Variants in RALGPS1 observed in about 807,000 individuals in gnomAD.
RALGPS1 encodes ras-specific guanine nucleotide-releasing factor RalGPS1.
Under a neutral mutation model 78.8 loss-of-function variants are expected in RALGPS1, and 19 were observed. The observed-to-expected ratio is 0.24, with a 90% CI of 0.17 to 0.35. The LOEUF is 0.35. Ranked by LOEUF, RALGPS1 falls within the 10% of genes least tolerant of loss-of-function variation. The pLI, the probability that RALGPS1 is intolerant of heterozygous loss-of-function variation, is 1.00. For missense variants in RALGPS1, 454 were observed against 688.3 expected (o/e 0.66, Z 3.81); for synonymous variants, 228 against 256.3 (o/e 0.89, Z 1.06).
intron 5 of RALGPS1, 83 bp downstream of exon 5, chr9:127,034,597 G>A: frequency 8.1e-7 from 1 of 1,238,158 alleles, no homozygotes; most frequent in African/African-American, 1.5e-5. Flanking sequence ...ACCCAAAGCT[G>A]TCTCCCAGGC....
At chr9:127,044,193 A>G (rs2047556096) in intron 5 of RALGPS1, among the ~76,000 whole-genome samples, 3 of 152,226 alleles carry the variant, frequency 2.0e-5, no homozygotes, top group Admixed American at 2.0e-4. Flanking sequence ...CATACAGTGG[A>G]ATAGCATTCT....
At chr9:126,963,284 C>T (rs916272725) in intron 2 of RALGPS1, among the ~76,000 whole-genome samples, 5 of 152,102 alleles carry the variant, frequency 3.3e-5, no homozygotes, top group African/African-American at 9.7e-5. Context: ...CTAGAGGAGT[C>T]AGACTTCTAT....
At chr9:127,109,074 C>T (rs375286026) in intron 8 of RALGPS1, among the ~76,000 whole-genome samples, 1 of 152,230 alleles carries the variant, frequency 6.6e-6, no homozygotes, top group South Asian at 2.1e-4. Context: ...AGCCCCCTTG[C>T]TGAACTCCTG....
chr9:127,063,101 A>G (rs2049363747), intron 7 of RALGPS1, among the ~76,000 whole-genome samples: 1 of 152,218 alleles, frequency 6.6e-6, no homozygotes. Context: ...ATCAAGAAAT[A>G]TTATTCTCTC....
intron 4 of RALGPS1, among the ~76,000 whole-genome samples, chr9:127,011,174 C>T (rs576894063): frequency 6.6e-6 from 1 of 152,174 alleles, no homozygotes; most frequent in African/African-American, 2.4e-5. Flanking sequence ...CCCACCACCC[C>T]CCAGCCCGCC....
At chr9:127,177,300 G>A (rs930221663) in intron 11 of RALGPS1, among the ~76,000 whole-genome samples, 2 of 152,098 alleles carry the variant, frequency 1.3e-5, no homozygotes, top group Non-Finnish European at 2.9e-5. Context: ...GCAGCCTCAC[G>A]ACTGAGCCTC....
At chr9:127,084,766 G>A (rs569388996) in intron 8 of RALGPS1, among the ~76,000 whole-genome samples, 20 of 152,358 alleles carry the variant, frequency 1.3e-4, no homozygotes, top group Admixed American at 2.0e-4. Context: ...GAGCCAGTGC[G>A]GGGCCATGCC....
intron 11 of RALGPS1, among the ~76,000 whole-genome samples, chr9:127,176,926 C>T (rs927477772): frequency 3.3e-5 from 5 of 152,178 alleles, no homozygotes; most frequent in Non-Finnish European, 5.9e-5. Flanking sequence ...GTGAAGTTCT[C>T]CTCCCCAGGC....
chr9:127,179,697 A>T (rs2060097466), intron 11 of RALGPS1, among the ~76,000 whole-genome samples: 1 of 152,250 alleles, frequency 6.6e-6, no homozygotes, highest in Non-Finnish European at 1.5e-5. Flanking sequence ...GGAACCAGGC[A>T]GCAAAAGCTG....
chr9:126,966,481 A>G (rs1046651559), intron 3 of RALGPS1, among the ~76,000 whole-genome samples: 1 of 150,836 alleles, frequency 6.6e-6, no homozygotes, highest in African/African-American at 2.4e-5. Context: ...TGATCATGCA[A>G]CTGTATTCCA....
In RALGPS1 at chr9:127,010,264, C is replaced by T. The variant is rs141312149; in HGVS notation, c.217-24167C>T. Among the ~76,000 whole-genome samples, 809 of 152,232 alleles carry T rather than the reference C, an allele frequency of 5.3e-3. 3 individuals are homozygous for T. Among genetic ancestry groups the T allele is most frequent in the Middle Eastern group, 0.034 (10 of 294 alleles). On this transcript the variant is annotated intron_variant, in intron 4 of 18. Coordinates refer to ENST00000259351, the MANE Select transcript of RALGPS1 (RefSeq NM_014636.3). ...CTCTCTCCTCTTTGTCCTTCCTCAT[C>T]GCTTTCTCCTGCCTCCCCTGACTTC...
intron 8 of RALGPS1, among the ~76,000 whole-genome samples, chr9:127,146,807 G>A (rs1256283619): frequency 6.6e-6 from 1 of 152,186 alleles, no homozygotes; most frequent in Non-Finnish European, 1.5e-5. Flanking sequence ...GCTTCTCAAA[G>A]TGCTGAGATT....
At chr9:127,018,647 G>GATGATAATAATA in intron 4 of RALGPS1, among the ~76,000 whole-genome samples, 1 of 147,054 alleles carries the variant, frequency 6.8e-6, no homozygotes, top group Middle Eastern at 3.6e-3. Context: ...TAATAATGAT[G>GATGATAATAATA]ATAATAATAA....
intron 4 of RALGPS1, among the ~76,000 whole-genome samples, chr9:126,994,708 A>G (rs2042580360): frequency 1.3e-5 from 2 of 152,196 alleles, no homozygotes; most frequent in Non-Finnish European, 2.9e-5. Flanking sequence ...CGAGAAGAGC[A>G]ACTCCAAGAC....
At position 127,212,838 on chromosome 9, in the gene RALGPS1, G is replaced by T; in HGVS notation, c.1447-106G>T. The T allele has an allele frequency of 6.4e-7, 1 of 1,566,528 alleles. No homozygotes were observed. On this transcript the variant is annotated intron_variant, in intron 16 of 18. Coordinates refer to ENST00000259351, the MANE Select transcript of RALGPS1 (RefSeq NM_014636.3). The surrounding 1 kb of genome is among the most constrained non-coding windows in gnomAD (Gnocchi z 6.0). ...GTGTGAACTGCGGAGGATGCAGGTG[G>T]GAAGGCGGCAGGGGAGGGAGGAAGC...
rs1275770261 is a variant in RALGPS1, at chr9:127,069,219, T to C, written c.484-11T>C. The C allele has an allele frequency of 1.9e-6, 3 of 1,596,568 alleles. No individual in the cohort carries two copies. The highest frequency in any genetic ancestry group is 2.2e-5 in the East Asian group (1 of 44,776). On this transcript the variant is annotated splice_polypyrimidine_tract_variant and intron_variant, in intron 7 of 18. Transcript: ENST00000259351. Reference sequence around the variant, plus strand: ...GTTTACTTATTTTGCTATATTTTCTTCTCATTCTAGCTTTTAAATCGAAAA... The same window carrying C: ...GTTTACTTATTTTGCTATATTTTCTCCTCATTCTAGCTTTTAAATCGAAAA...
At chr9:127,027,650 A>T (rs1464343329) in intron 4 of RALGPS1, among the ~76,000 whole-genome samples, 1 of 152,230 alleles carries the variant, frequency 6.6e-6, no homozygotes, top group African/African-American at 2.4e-5. Flanking sequence ...AACAGACCAG[A>T]TGCGTATTCT....
intron 7 of RALGPS1, among the ~76,000 whole-genome samples, chr9:127,056,130 G>A (rs1021768889): frequency 6.6e-6 from 1 of 152,214 alleles, no homozygotes; most frequent in African/African-American, 2.4e-5. Flanking sequence ...ACCTCAGTTG[G>A]CATTTAGCTG....
chr9:127,002,450 T>C (rs2043414957), intron 4 of RALGPS1, among the ~76,000 whole-genome samples: 1 of 144,686 alleles, frequency 6.9e-6, no homozygotes, highest in African/African-American at 2.8e-5. Context: ...TTTTTTTTCT[T>C]TTTTTTTTAT....
Sources: gnomAD v4.1 joint callset for allele counts (sites outside exome capture counted in the v4.1 genomes callset) on GRCh38, gnomAD v4.1.1 for gene constraint, Gnocchi (gnomAD v3.1) non-coding constraint, MANE v1.5 for transcripts, NCBI Gene and HGNC (gene_info 2026-07-23, HGNC 2026-07-21) for gene names.